Variants in EDIL3 observed in about 807,000 individuals in gnomAD.
The protein encoded by EDIL3 is EGF-like repeat and discoidin I-like domain-containing protein 3.
Under a neutral mutation model 67.4 loss-of-function variants are expected in EDIL3, and 37 were observed. The ratio of observed to expected loss-of-function variants is 0.55; its 90% CI spans 0.42 to 0.72. The LOEUF (loss-of-function observed/expected upper bound fraction) is 0.72, where lower values mean the gene tolerates loss of function less well. EDIL3 is among the 30% of genes least tolerant of loss of function. The probability of loss-of-function intolerance (pLI) is 0.00; values close to 1 mark genes in which losing one functional copy is unlikely to be tolerated. For missense variants in EDIL3, 527 were observed against 586.3 expected (o/e 0.90, Z 1.04); for synonymous variants, 195 against 196.3 (o/e 0.99, Z 0.05).
At chr5:84,239,730 C>G (rs1032695191) in intron 2 of EDIL3, among the ~76,000 whole-genome samples, 19 of 151,962 alleles carry the variant, frequency 1.3e-4, no homozygotes, top group African/African-American at 4.6e-4. Context: ...ATCTTTGCAA[C>G]GGGAAAGAAT....
chr5:84,221,219 T>C (rs1046749076), intron 3 of EDIL3, among the ~76,000 whole-genome samples: 2 of 152,194 alleles, frequency 1.3e-5, no homozygotes, highest in Non-Finnish European at 2.9e-5. Flanking sequence ...AAATTTTATT[T>C]AACAATAAGA....
At position 83,950,108 on chromosome 5, in the gene EDIL3, C is replaced by T. The variant is rs118064428; in HGVS notation, c.1294-6540G>A. 3.4e-3 allele frequency among the ~76,000 whole-genome samples: 521 copies of T among 151,902 alleles called. 12 individuals are homozygous for T. The East Asian group carries it at 0.048, about 14-fold the overall frequency. The stretch of plus-strand genomic sequence containing the variant: ...GTAACATTGCTGAGAGAACTTACTA[C>T]TCTCCAGAAGTCTCCAAGACAACTG... On this transcript the variant is annotated intron_variant, in intron 10 of 10. Coordinates refer to ENST00000296591, the MANE Select transcript of EDIL3 (RefSeq NM_005711.5).
At chr5:84,373,066 G>A (rs1444587270) in intron 1 of EDIL3, among the ~76,000 whole-genome samples, 1 of 152,044 alleles carries the variant, frequency 6.6e-6, no homozygotes, top group East Asian at 1.9e-4. Flanking sequence ...TCCAGGCCAT[G>A]TCCAGAACAT....
At chr5:84,180,264 C>G in intron 4 of EDIL3, 129 bp downstream of exon 4, 1 of 1,002,912 alleles carries the variant, frequency 1.0e-6, no homozygotes, top group South Asian at 2.2e-5. Context: ...GGGAGAGAAG[C>G]AGCATTAGCC....
chr5:84,313,815 G>A (rs576869446), intron 1 of EDIL3, among the ~76,000 whole-genome samples: 1 of 152,294 alleles, frequency 6.6e-6, no homozygotes, highest in South Asian at 2.1e-4. Context: ...GTCAAATTGT[G>A]TATACTTAGA....
At chr5:84,273,881 T>G (rs1051000440) in intron 1 of EDIL3, among the ~76,000 whole-genome samples, 1 of 152,192 alleles carries the variant, frequency 6.6e-6, no homozygotes, top group African/African-American at 2.4e-5. Context: ...CACCCTGTTT[T>G]GACACCTGCA....
intron 3 of EDIL3, among the ~76,000 whole-genome samples, chr5:84,225,127 GATGTT>G (rs1744423013): frequency 6.6e-6 from 1 of 151,560 alleles, no homozygotes; most frequent in South Asian, 2.1e-4. Context: ...TGATAACTCA[GATGTT>G]ATGAAATATG....
intron 1 of EDIL3, among the ~76,000 whole-genome samples, chr5:84,353,137 C>T (rs988531943): frequency 2.0e-5 from 3 of 152,090 alleles, no homozygotes; most frequent in African/African-American, 7.2e-5. Flanking sequence ...AAATTATAAG[C>T]ACCAACCAAT....
At chr5:84,367,986 C>T (rs1747774903) in intron 1 of EDIL3, among the ~76,000 whole-genome samples, 1 of 152,022 alleles carries the variant, frequency 6.6e-6, no homozygotes, top group African/African-American at 2.4e-5. Context: ...GAATGGATTC[C>T]CAGAAGATTC....
intron 1 of EDIL3, among the ~76,000 whole-genome samples, chr5:84,258,792 G>A (rs531174810): frequency 1.4e-3 from 217 of 152,000 alleles, no homozygotes; most frequent in African/African-American, 5.0e-3. Flanking sequence ...AAACTCTCTC[G>A]GCTAGAATTT....
At chr5:84,309,290 T>C (rs1746332695) in intron 1 of EDIL3, among the ~76,000 whole-genome samples, 1 of 151,642 alleles carries the variant, frequency 6.6e-6, no homozygotes, top group Non-Finnish European at 1.5e-5. Context: ...ATAAATGTTT[T>C]TCCTCTTTCT....
chr5:83,989,763 G>T (rs894689548), intron 9 of EDIL3, among the ~76,000 whole-genome samples: 1 of 152,096 alleles, frequency 6.6e-6, no homozygotes, highest in African/African-American at 2.4e-5. Flanking sequence ...AACCAACAGG[G>T]AATAGCAAAG....
At chr5:84,080,251 G>A (rs1472914653) in intron 6 of EDIL3, among the ~76,000 whole-genome samples, 8 of 126,548 alleles carry the variant, frequency 6.3e-5, no homozygotes, top group African/African-American at 2.4e-4. Flanking sequence ...AGCCGAGATC[G>A]CGCTGCCACT....
intron 9 of EDIL3, among the ~76,000 whole-genome samples, chr5:84,050,759 C>T (rs1746320446): frequency 6.6e-6 from 1 of 152,162 alleles, no homozygotes; most frequent in Admixed American, 6.5e-5. Flanking sequence ...AGCAGTGAGG[C>T]TGGGGGAGGG....
chr5:84,317,453 A>C (rs1165734529), intron 1 of EDIL3, among the ~76,000 whole-genome samples: 1 of 151,046 alleles, frequency 6.6e-6, no homozygotes, highest in Non-Finnish European at 1.5e-5. Flanking sequence ...CACAGAAAGA[A>C]TACTATAAAC....
intron 2 of EDIL3, among the ~76,000 whole-genome samples, chr5:84,244,121 C>A (rs549407562): frequency 1.3e-5 from 2 of 152,278 alleles, no homozygotes; most frequent in Admixed American, 1.3e-4. Context: ...GCCTCTATTT[C>A]ATCTCAGTAA....
intron 3 of EDIL3, among the ~76,000 whole-genome samples, chr5:84,201,823 A>ATGC (rs751146075): frequency 2.0e-5 from 3 of 152,186 alleles, no homozygotes; most frequent in Non-Finnish European, 4.4e-5. Flanking sequence ...AATCAGTTAC[A>ATGC]TGCCAAAATC....
At chr5:84,354,750 T>C (rs1747442820) in intron 1 of EDIL3, among the ~76,000 whole-genome samples, 1 of 152,092 alleles carries the variant, frequency 6.6e-6, no homozygotes, top group Non-Finnish European at 1.5e-5. Flanking sequence ...AACTGAAATA[T>C]ATTCAAGATC....
intron 3 of EDIL3, among the ~76,000 whole-genome samples, chr5:84,187,332 A>G (rs1486277009): frequency 6.6e-6 from 1 of 152,162 alleles, no homozygotes; most frequent in East Asian, 1.9e-4. Flanking sequence ...TTATTTCCAT[A>G]TGTGTAATAT....
Sources: allele counts gnomAD v4.1 joint callset (sites outside exome capture counted in the v4.1 genomes callset), GRCh38; gene constraint gnomAD v4.1.1; transcripts MANE v1.5; gene names NCBI Gene and HGNC (gene_info 2026-07-23, HGNC 2026-07-21).